Variants in SAMM50 observed in about 807,000 individuals in gnomAD.
SAMM50 encodes the protein SAMM50 sorting and assembly machinery component.
In SAMM50, 47 loss-of-function variants were observed where a neutral mutation model predicts 66.9. The ratio of observed to expected loss-of-function variants is 0.70; its 90% CI spans 0.56 to 0.90. The LOEUF (loss-of-function observed/expected upper bound fraction) is 0.90. Ranked by LOEUF, SAMM50 falls within the 40% of genes least tolerant of loss-of-function variation. SAMM50 has a pLI of 0.00. For synonymous variants in SAMM50, 191 were observed against 214.1 expected, an observed-to-expected ratio of 0.89 and a Z score of 0.94; for missense variants, 535 against 595.3, an observed-to-expected ratio of 0.90 and a Z score of 1.05.
chr22:43,980,720 G>T (rs1019425269), intron 10 of SAMM50, among the ~76,000 whole-genome samples: 1 of 152,226 alleles, frequency 6.6e-6, no homozygotes, highest in Admixed American at 6.5e-5. Context: ...GAGCAGCTTG[G>T]AGGGACATAG....
chr22:43,968,821 A>G lies in SAMM50; in HGVS notation c.322+3A>G, dbSNP rs780552828. Reference sequence around the variant, plus strand: ...TGTTTTGATTGACACATGTCAAGGTACATATTGTGGTGTAGTATCTTTATA... The same window carrying G: ...TGTTTTGATTGACACATGTCAAGGTGCATATTGTGGTGTAGTATCTTTATA... On this transcript the variant is annotated splice_donor_region_variant and intron_variant, in intron 4 of 14. Transcript: ENST00000350028. 6.2e-7 allele frequency: 1 copy of G among 1,601,226 alleles called. No homozygotes were observed. Among genetic ancestry groups the G allele is most frequent in the South Asian group, 1.1e-5 (1 of 90,840 alleles).
chr22:43,996,258 A>T, intron 14 of SAMM50, 80 bp from the exon 15 acceptor site: 1 of 1,492,670 alleles, frequency 6.7e-7, no homozygotes, highest in Non-Finnish European at 9.4e-7. Context: ...GCACCTTCTG[A>T]GAGGCGCATG....
intron 14 of SAMM50, among the ~76,000 whole-genome samples, chr22:43,994,090 G>A (rs1486752662): frequency 6.6e-6 from 1 of 152,216 alleles, no homozygotes; most frequent in Non-Finnish European, 1.5e-5. Flanking sequence ...TGGGGAGGGT[G>A]CTGAGAGGGC....
chr22:43,991,130 C>A (rs2050322612), intron 14 of SAMM50, among the ~76,000 whole-genome samples: 1 of 151,930 alleles, frequency 6.6e-6, no homozygotes, highest in East Asian at 1.9e-4. Flanking sequence ...GCATGCGTCA[C>A]CACACCCGGC....
At chr22:43,970,865 GAAAA>G (rs972840352) in intron 4 of SAMM50, among the ~76,000 whole-genome samples, 45 of 152,102 alleles carry the variant, frequency 3.0e-4, no homozygotes, top group Middle Eastern at 6.8e-3. Flanking sequence ...AATAAAAAAA[GAAAA>G]AGAAAGAAAA....
chr22:43,964,873 C>T (rs2050165259), intron 3 of SAMM50, among the ~76,000 whole-genome samples: 1 of 152,190 alleles, frequency 6.6e-6, no homozygotes, highest in Non-Finnish European at 1.5e-5. Flanking sequence ...TTCCCAGGCA[C>T]CGCGCTGAGT....
intron 7 of SAMM50, among the ~76,000 whole-genome samples, 177 bp downstream of exon 7, chr22:43,973,500 G>T (rs11912752): frequency 0.015 from 2,248 of 152,324 alleles, 64 homozygotes; most frequent in African/African-American, 0.052. Context: ...AGGGACCCGA[G>T]AGTGGCTGAT....
At chr22:43,959,640 G>A (rs1379455654) in intron 1 of SAMM50, among the ~76,000 whole-genome samples, 1 of 151,788 alleles carries the variant, frequency 6.6e-6, no homozygotes, top group East Asian at 1.9e-4. Context: ...AAGTGCCAGT[G>A]CTAGGTACAG....
At chr22:43,957,054 AT>A in intron 1 of SAMM50, 5 of 1,023,566 alleles carry the variant, frequency 4.9e-6, no homozygotes, top group Admixed American at 1.7e-5. Context: ...GTCCAAGGCC[AT>A]TTTTGCTGGC....
chr22:43,963,403 T>A lies in SAMM50; in HGVS notation c.132+7T>A. The A allele has an allele frequency of 6.4e-7, 1 of 1,571,736 alleles. No homozygotes were observed. The highest frequency in any genetic ancestry group is 1.1e-5 in the South Asian group (1 of 89,540). Reference sequence around the variant, plus strand: ...AATTCTTGAAAACAAAGATGTGAGTTTTCTGTTGAAGGTCTTGATAGAATT... The same window carrying A: ...AATTCTTGAAAACAAAGATGTGAGTATTCTGTTGAAGGTCTTGATAGAATT... On this transcript the variant is annotated splice_region_variant and intron_variant, in intron 2 of 14. Coordinates refer to ENST00000350028, the MANE Select transcript of SAMM50 (RefSeq NM_015380.5).
chr22:43,974,222 G>A (rs896198929), intron 7 of SAMM50, among the ~76,000 whole-genome samples: 1 of 152,110 alleles, frequency 6.6e-6, no homozygotes, highest in African/African-American at 2.4e-5. Context: ...TGCCAAGTCC[G>A]ACTCACAGAG....
intron 12 of SAMM50, among the ~76,000 whole-genome samples, chr22:43,984,775 C>T (rs2050283417): frequency 6.6e-6 from 1 of 152,006 alleles, no homozygotes; most frequent in Non-Finnish European, 1.5e-5. Context: ...ATTACAGGCA[C>T]ACACCACCAC....
At chr22:43,960,849 T>C (rs1342176746) in intron 1 of SAMM50, among the ~76,000 whole-genome samples, 1 of 152,156 alleles carries the variant, frequency 6.6e-6, no homozygotes, top group Non-Finnish European at 1.5e-5. Context: ...TTGCAGGAGA[T>C]GACATTAAGG....
At chr22:43,986,071 CTTGCTCT>C in intron 12 of SAMM50, among the ~76,000 whole-genome samples, 1 of 45,966 alleles carries the variant, frequency 2.2e-5, no homozygotes, top group African/African-American at 1.8e-4. Context: ...GAGATGGAGT[CTTGCTCT>C]GTTGCCCAGA....
In SAMM50 at chr22:43,976,758, G is replaced by C; in HGVS notation, c.786G>C (p.Met262Ile). The C allele has an allele frequency of 6.2e-7, 1 of 1,611,058 alleles. No individual in the cohort carries two copies. Reference protein sequence around the residue: ...HSLKSSLSHAMVIDSRNSSIL... With the variant: ...HSLKSSLSHAIVIDSRNSSIL... ...ATTCAAATTTCTTTCAGCACGCCAT[G>C]GTCATCGATTCTCGGAATTCTTCCA... Residue 262 changes from methionine (M) to isoleucine (I), a missense_variant, in exon 9 of 15, where the codon ATG becomes ATC. Coordinates refer to ENST00000350028, the MANE Select transcript of SAMM50 (RefSeq NM_015380.5).
chr22:43,979,495 C>T (rs1002287243), intron 10 of SAMM50, among the ~76,000 whole-genome samples: 11 of 152,220 alleles, frequency 7.2e-5, no homozygotes, highest in African/African-American at 2.2e-4. Flanking sequence ...GGGCGCTGCC[C>T]TTCCTCCTCT....
At chr22:43,967,540 C>T (rs946428385) in intron 3 of SAMM50, among the ~76,000 whole-genome samples, 4 of 152,228 alleles carry the variant, frequency 2.6e-5, no homozygotes, top group Non-Finnish European at 2.9e-5. Flanking sequence ...GGTCTGTCCT[C>T]CCCTCCAATA....
intron 4 of SAMM50, among the ~76,000 whole-genome samples, chr22:43,971,449 G>A (rs1461099911): frequency 1.3e-5 from 2 of 152,140 alleles, no homozygotes; most frequent in Admixed American, 1.3e-4. Flanking sequence ...TACCTGGTGC[G>A]GGGGAGGACA....
intron 9 of SAMM50, 43 bp from the exon 10 acceptor site, chr22:43,977,809 GATTCTGTAGCCCCTGTAATA>G (rs1307388438): frequency 9.0e-6 from 10 of 1,109,890 alleles, no homozygotes; most frequent in Non-Finnish European, 1.2e-5. Flanking sequence ...GCAAAAACAT[GATTCTGTAGCCCCTGTAATA>G]AGTCTGTTTG....
Sources: allele counts gnomAD v4.1 joint callset (sites outside exome capture counted in the v4.1 genomes callset), GRCh38; gene constraint gnomAD v4.1.1; transcripts MANE v1.5; gene names NCBI Gene and HGNC (gene_info 2026-07-23, HGNC 2026-07-21).